Variants in TXNL4A observed in about 807,000 individuals in gnomAD.
TXNL4A encodes the protein thioredoxin-like protein 4A.
In TXNL4A, 17 loss-of-function variants were observed where a neutral mutation model predicts 14.6. The ratio of observed to expected loss-of-function variants is 1.16; its 90% CI spans 0.80 to 1.74. The LOEUF is 1.74. TXNL4A is among the 40% of genes most tolerant of loss of function. The pLI is 0.00. For synonymous variants in TXNL4A, 83 were observed against 70.6 expected (o/e 1.18, Z -0.88); for missense variants, 74 against 195.2 (o/e 0.38, Z 3.70).
chr18:80,007,520 C>T (rs1321459237), intron 1 of TXNL4A, among the ~76,000 whole-genome samples: 1 of 152,016 alleles, frequency 6.6e-6, no homozygotes, highest in Non-Finnish European at 1.5e-5. Flanking sequence ...TTTTTAACTA[C>T]TAGGTTTAGG....
intron 1 of TXNL4A, among the ~76,000 whole-genome samples, chr18:80,005,331 A>T (rs2051722805): frequency 6.6e-6 from 1 of 152,142 alleles, no homozygotes; most frequent in African/African-American, 2.4e-5. Flanking sequence ...CCCTGGGGGG[A>T]GAAAAATTGC....
rs182689781 is a variant in TXNL4A at position 79,981,410 on chromosome 18, G to C, written c.154-3709C>G. Among the ~76,000 whole-genome samples, 762 of 152,350 alleles carry C rather than the reference G, an allele frequency of 5.0e-3. 6 individuals are homozygous for C. Among genetic ancestry groups the C allele is most frequent in the Non-Finnish European group, 9.0e-3 (610 of 68,036 alleles). ...TGCAGGGCCAGGTGAGGTGGCTCAC[G>C]CCTGTAATCCCAGCACTTTGGGAGG... On this transcript the variant is annotated intron_variant, in intron 1 of 2. Transcript: ENST00000269601.
At chr18:80,001,090 A>C (rs2051695643) in intron 1 of TXNL4A, among the ~76,000 whole-genome samples, 1 of 152,218 alleles carries the variant, frequency 6.6e-6, no homozygotes, top group African/African-American at 2.4e-5. Context: ...TGCTGTGTGC[A>C]GTCTAGTAAG....
chr18:79,977,082 T>C (rs2051390796), intron 2 of TXNL4A, among the ~76,000 whole-genome samples: 1 of 152,096 alleles, frequency 6.6e-6, no homozygotes, highest in Admixed American at 6.6e-5. Flanking sequence ...TGCCTCAGCC[T>C]CCCAGTAGCT....
chr18:80,016,568 G>A (rs1417261640), intron 1 of TXNL4A, among the ~76,000 whole-genome samples: 1 of 152,088 alleles, frequency 6.6e-6, no homozygotes, highest in Non-Finnish European at 1.5e-5. Flanking sequence ...TCCAGTTTCA[G>A]CTTTCTACAT....
intron 1 of TXNL4A, among the ~76,000 whole-genome samples, chr18:79,986,301 CT>C: frequency 6.6e-6 from 1 of 152,308 alleles, no homozygotes; most frequent in African/African-American, 2.4e-5. Context: ...TCCCAAAGTG[CT>C]GGGATTACAG....
intron 1 of TXNL4A, among the ~76,000 whole-genome samples, chr18:80,003,599 C>T (rs2051711078): frequency 6.6e-6 from 1 of 152,116 alleles, no homozygotes. Context: ...TGGCTGATTA[C>T]ATGGTCAGTG....
chr18:79,974,765 C>T (rs1185688072), intron 2 of TXNL4A, among the ~76,000 whole-genome samples: 3 of 152,176 alleles, frequency 2.0e-5, no homozygotes, highest in Non-Finnish European at 4.4e-5. Flanking sequence ...AAACGTGAGC[C>T]ACTGTGCCGG....
At chr18:79,980,512 G>A (rs2051446581) in intron 1 of TXNL4A, among the ~76,000 whole-genome samples, 1 of 152,170 alleles carries the variant, frequency 6.6e-6, no homozygotes, top group Admixed American at 6.5e-5. Context: ...AATTGTTGAA[G>A]TGGAACAATA....
At chr18:79,994,418 T>C (rs1482266270) in intron 1 of TXNL4A, among the ~76,000 whole-genome samples, 4 of 152,066 alleles carry the variant, frequency 2.6e-5, no homozygotes, top group African/African-American at 7.2e-5. Flanking sequence ...TCTAATCATT[T>C]ATCTCTCTTA....
At chr18:80,023,080 A>G (rs1357010360) in intron 1 of TXNL4A, among the ~76,000 whole-genome samples, 24 of 152,196 alleles carry the variant, frequency 1.6e-4, no homozygotes, top group Non-Finnish European at 5.9e-5. Context: ...TTGGAATCCC[A>G]CAGAATGGGA....
rs985993518 is a variant in TXNL4A at position 79,988,246 on chromosome 18, G to A, written c.147C>T (p.Ala49=). The A allele has an allele frequency of 6.4e-7, 1 of 1,555,918 alleles. No individual in the cohort carries two copies. Among genetic ancestry groups the A allele is most frequent in the Middle Eastern group, 1.7e-4 (1 of 5,802 alleles). The change falls in exon 1 of 3, where the codon GCC becomes GCT. Residue 49 remains alanine (A), a synonymous_variant. Coordinates refer to ENST00000269601, the MANE Select transcript of TXNL4A (RefSeq NM_006701.5). ...GGAGAGTCCGGCGCGCTACCTTCTC[G>A]GCGATGCTGTACAGGACCTCGTCCA... ...MKMDEVLYSI[A]EKVKNFAVIY...
At chr18:80,017,714 C>G (rs2145121930) in intron 1 of TXNL4A, among the ~76,000 whole-genome samples, 1 of 150,398 alleles carries the variant, frequency 6.6e-6, no homozygotes, top group East Asian at 2.0e-4. Context: ...GGATGAAGCC[C>G]ACTTGATCAT....
At chr18:79,998,363 A>G (rs908518930) in intron 1 of TXNL4A, among the ~76,000 whole-genome samples, 6 of 152,148 alleles carry the variant, frequency 3.9e-5, no homozygotes, top group African/African-American at 1.4e-4. Context: ...ATGCATACCT[A>G]AAAAATGAAC....
rs556932291 is a variant in TXNL4A at position 80,024,730 on chromosome 18, G to A, written c.-61+9121C>T. ...ACATATTTAGGGTCTCATCTCAGCC[G>A]GCAGGTGCATATAAGGAACCGACCC... is the stretch of plus-strand genomic sequence containing the variant. On this transcript the variant is annotated intron_variant, in intron 1 of 2. Transcript: ENST00000585474. Among the ~76,000 whole-genome samples, 31 of 152,212 alleles carry A rather than the reference G, an allele frequency of 2.0e-4. No homozygotes were observed. In the South Asian group the frequency reaches 2.7e-3, roughly 13 times the overall value.
intron 2 of TXNL4A, 134 bp from the exon 3 acceptor site, chr18:79,973,990 G>A: frequency 8.2e-7 from 1 of 1,216,762 alleles, no homozygotes; most frequent in Non-Finnish European, 1.1e-6. Flanking sequence ...AATCGAGAGT[G>A]TATGCCATGA....
In TXNL4A at chr18:79,982,632, C is replaced by T. The variant is rs978351673; in HGVS notation, c.154-4931G>A. On this transcript the variant is annotated intron_variant, in intron 1 of 2. Transcript: ENST00000269601. This position sits in a 1 kb window ranked among gnomAD's most constrained non-coding sequence, Gnocchi z 4.0. Reference sequence around the variant, plus strand: ...GCCCCAGAGAGGTTACCAGAAAGGACGATATGGGAACGGGGACACTGCAGG... The same window carrying T: ...GCCCCAGAGAGGTTACCAGAAAGGATGATATGGGAACGGGGACACTGCAGG... 1.3e-5 allele frequency among the ~76,000 whole-genome samples: 2 copies of T among 152,028 alleles called. No homozygotes were observed. The highest frequency in any genetic ancestry group is 2.9e-5 in the Non-Finnish European group (2 of 68,016).
At chr18:79,998,292 C>CA (rs1281876024) in intron 1 of TXNL4A, among the ~76,000 whole-genome samples, 3,511 of 122,780 alleles carry the variant, frequency 0.029, 92 homozygotes, top group African/African-American at 0.08. Context: ...GACTCCGTCT[C>CA]AAAAAAAAAA....
intron 1 of TXNL4A, among the ~76,000 whole-genome samples, chr18:80,024,771 C>A (rs919423156): frequency 5.9e-5 from 9 of 152,214 alleles, no homozygotes; most frequent in Non-Finnish European, 1.0e-4. Context: ...GCAACTTGAG[C>A]CCCTGACACA....
Sources: allele counts gnomAD v4.1 joint callset (sites outside exome capture counted in the v4.1 genomes callset), GRCh38; gene constraint gnomAD v4.1.1; non-coding constraint Gnocchi (gnomAD v3.1); transcripts MANE v1.5; gene names NCBI Gene and HGNC (gene_info 2026-07-23, HGNC 2026-07-21).